Variants in LY9 observed in about 807,000 individuals in gnomAD.
LY9 encodes the protein lymphocyte antigen 9, also known as T-lymphocyte surface antigen Ly-9.
A neutral mutation model predicts 64.6 loss-of-function variants in LY9; 59 were observed. The observed-to-expected ratio is 0.91, with a 90% confidence interval of 0.74 to 1.13. The LOEUF is 1.13. Ranked by LOEUF, LY9 falls within the 50% of genes most tolerant of loss-of-function variation. The probability of loss-of-function intolerance (pLI) is 0.00; values close to 1 mark genes in which losing one functional copy is unlikely to be tolerated. For synonymous variants in LY9, 281 were observed against 308.5 expected (o/e 0.91, Z 0.93); for missense variants, 789 against 797.2 (o/e 0.99, Z 0.12).
intron 6 of LY9, 54 bp downstream of exon 6, chr1:160,818,373 T>A: frequency 1.5e-6 from 2 of 1,331,560 alleles, no homozygotes; most frequent in Non-Finnish European, 1.1e-6. Context: ...TCCCTGGGAC[T>A]TGTGGAGGCT....
chr1:160,809,333 T>TTTG (rs1202903351), intron 2 of LY9, among the ~76,000 whole-genome samples: 1 of 140,234 alleles, frequency 7.1e-6, no homozygotes, highest in Non-Finnish European at 1.6e-5. Flanking sequence ...AAATCCTGAA[T>TTTG]TTATTATTAT....
In LY9 at chr1:160,823,695, CCT is replaced by C. The variant is rs760178683; in HGVS notation, c.1730_1731del (p.Pro577ArgfsTer7). 2.5e-6 allele frequency: 4 copies of C among 1,614,108 alleles called. No homozygotes were observed. Among genetic ancestry groups the C allele is most frequent in the South Asian group, 1.1e-5 (1 of 91,076 alleles). On this transcript the variant is annotated frameshift_variant, in exon 8 of 10. Transcript: ENST00000263285. LOFTEE classifies it high-confidence loss of function. The part of the protein sequence containing the change: ...TQEGAGHDPA[P>X]EGQADYDPVT... Reference sequence around the variant, plus strand: ...GGAGGGCGCTGGACATGACCCAGCCCCTGAGGGCCAAGCAGACTATGATCCCG... The same window carrying C: ...GGAGGGCGCTGGACATGACCCAGCCCGAGGGCCAAGCAGACTATGATCCCG...
chr1:160,820,976 A>G (rs1009410037), intron 7 of LY9, among the ~76,000 whole-genome samples: 6 of 151,496 alleles, frequency 4.0e-5, no homozygotes, highest in African/African-American at 1.5e-4. Context: ...AACATGGTGA[A>G]ACCCCGTCTC....
chr1:160,801,670 A>G (rs1666491179), intron 2 of LY9: 1 of 732,062 alleles, frequency 1.4e-6, no homozygotes, highest in Non-Finnish European at 2.3e-6. Context: ...TTCTTCTAGT[A>G]TTTTTATAGT....
chr1:160,813,871 G>A lies in LY9; in HGVS notation c.690G>A (p.Gln230=). 1 of 1,614,170 alleles carries A rather than the reference G, an allele frequency of 6.2e-7. No individual in the cohort carries two copies. The highest frequency in any genetic ancestry group is 1.3e-5 in the African/African-American group (1 of 75,044). The part of the protein sequence containing the change: ...YICTAQNPVS[Q]RSSLPVHVGQ... ...GCACAGCCCAGAACCCCGTCAGCCAGAGAAGCTCCCTCCCTGTCCATGTTG... is the reference window on the plus strand; with the variant it reads ...GCACAGCCCAGAACCCCGTCAGCCAAAGAAGCTCCCTCCCTGTCCATGTTG... The change falls in exon 3 of 10, where the codon CAG becomes CAA. Residue 230 remains glutamine (Q), a synonymous_variant. Transcript: ENST00000263285.
intron 2 of LY9, chr1:160,802,053 C>G: frequency 7.1e-7 from 1 of 1,415,278 alleles, no homozygotes; most frequent in Admixed American, 3.0e-5. Context: ...TAGACGTGGG[C>G]GTTAGGCGTG....
intron 4 of LY9, 76 bp from the exon 5 acceptor site, chr1:160,816,518 T>G: frequency 6.9e-7 from 1 of 1,459,038 alleles, no homozygotes; most frequent in Non-Finnish European, 9.2e-7. Flanking sequence ...CATGAATATA[T>G]TTTCAATGAA....
At chr1:160,797,039 T>G (rs2101724231) in intron 1 of LY9, 1 of 849,658 alleles carries the variant, frequency 1.2e-6, no homozygotes, top group Admixed American at 6.2e-5. Flanking sequence ...TGGACGCGGT[T>G]AGGTGACCAT....
chr1:160,800,299 G>A (rs1249933998), intron 2 of LY9: 2 of 526,282 alleles, frequency 3.8e-6, no homozygotes, highest in South Asian at 2.3e-5. Flanking sequence ...CTTACTGTAT[G>A]TTTGTACCCT....
chr1:160,813,769 C>T lies in LY9; in HGVS notation c.588C>T (p.Pro196=). Reference sequence around the variant, plus strand: ...TGTACAGCTGGACCCCAAGGGAACCCCATGCTTCTGAGTCCAATGGAGGCT... The same window carrying T: ...TGTACAGCTGGACCCCAAGGGAACCTCATGCTTCTGAGTCCAATGGAGGCT... ...SVLYSWTPRE[P]HASESNGGSI... The change falls in exon 3 of 10, where the codon CCC becomes CCT. Residue 196 remains proline (P), a synonymous_variant. Transcript: ENST00000263285. 6.2e-7 allele frequency: 1 copy of T among 1,614,170 alleles called. No homozygotes were observed. Among genetic ancestry groups the T allele is most frequent in the East Asian group, 2.2e-5 (1 of 44,888 alleles).
chr1:160,805,501 T>C (rs1213292433), intron 2 of LY9, among the ~76,000 whole-genome samples: 3 of 152,200 alleles, frequency 2.0e-5, no homozygotes, highest in African/African-American at 7.2e-5. Context: ...TTGAGACTTG[T>C]ACTGTGGTCT....
chr1:160,820,376 C>T (rs1225463031), intron 7 of LY9, among the ~76,000 whole-genome samples: 1 of 152,012 alleles, frequency 6.6e-6, no homozygotes, highest in Non-Finnish European at 1.5e-5. Flanking sequence ...GCTAAGGAAT[C>T]CCCAACCTGT....
chr1:160,798,380 C>T (rs1165294847), intron 1 of LY9, among the ~76,000 whole-genome samples: 5 of 152,144 alleles, frequency 3.3e-5, no homozygotes, highest in African/African-American at 4.8e-5. Flanking sequence ...TAAATTTCAG[C>T]TCCTCATCTG....
intron 4 of LY9, among the ~76,000 whole-genome samples, chr1:160,815,822 C>T (rs1178119189): frequency 6.6e-6 from 1 of 152,230 alleles, no homozygotes; most frequent in Non-Finnish European, 1.5e-5. Flanking sequence ...ACTCAGTTCC[C>T]CTGGGGGTGA....
At position 160,816,788 on chromosome 1, in the gene LY9, C is replaced by T; in HGVS notation, c.1267C>T (p.Pro423Ser). 6.2e-7 allele frequency: 1 copy of T among 1,614,186 alleles called. No individual in the cohort carries two copies. The highest frequency in any genetic ancestry group is 8.5e-7 in the Non-Finnish European group (1 of 1,179,994). The change falls in exon 5 of 10, where the codon CCC becomes TCC. Residue 423 changes from proline (P) to serine (S), a missense_variant. Coordinates refer to ENST00000263285, the MANE Select transcript of LY9 (RefSeq NM_002348.4). Reference sequence around the variant, plus strand: ...CTCATGGAGAAGCAGTGAAAATCACCCCAACCTCACATGCACAGCCAGCAA... The same window carrying T: ...CTCATGGAGAAGCAGTGAAAATCACTCCAACCTCACATGCACAGCCAGCAA... ...NVSWRSSENH[P>S]NLTCTASNPV...
At chr1:160,811,635 A>G (rs1667482061) in intron 2 of LY9, 1 of 152,254 alleles carries the variant, frequency 6.6e-6, no homozygotes, top group Non-Finnish European at 1.5e-5. Context: ...ACACTAGAAT[A>G]CAACGTGGCC....
intron 2 of LY9, chr1:160,813,404 A>T (rs1667673299): frequency 8.9e-6 from 5 of 562,970 alleles, no homozygotes; most frequent in Admixed American, 6.5e-5. Flanking sequence ...GGAGAGAGAG[A>T]AGTAATCAGA....
At chr1:160,820,979 C>A (rs561914956) in intron 7 of LY9, among the ~76,000 whole-genome samples, 9 of 151,432 alleles carry the variant, frequency 5.9e-5, no homozygotes, top group African/African-American at 1.9e-4. Flanking sequence ...ATGGTGAAAC[C>A]CCGTCTCTAC....
At chr1:160,807,135 G>C (rs912852292) in intron 2 of LY9, among the ~76,000 whole-genome samples, 1 of 151,998 alleles carries the variant, frequency 6.6e-6, no homozygotes, top group Non-Finnish European at 1.5e-5. Context: ...ATCCAAAATT[G>C]TTTTTCTGAT....
Sources: gnomAD v4.1 joint callset for allele counts (sites outside exome capture counted in the v4.1 genomes callset) on GRCh38, gnomAD v4.1.1 for gene constraint, MANE v1.5 for transcripts, NCBI Gene and HGNC (gene_info 2026-07-23, HGNC 2026-07-21) for gene names.